KCNQ1OT1: variants seen among roughly 807,000 people sequenced by gnomAD.
KCNQ1OT1 encodes the protein KCNQ1 opposite strand/antisense transcript 1, also known as KCNQ1 antisense RNA 2 (non-protein coding).
exon 1 of KCNQ1OT1, chr11:2,619,761 G>GT: frequency 2.5e-6 from 1 of 397,762 alleles, no homozygotes; most frequent in African/African-American, 2.1e-5. Context: ...TTTTGGAAGA[G>GT]TTTAAGAAGT....
Position 2,673,458 on chromosome 11 carries a change from C to T in KCNQ1OT1, n.26537G>A, listed in dbSNP as rs977140406. 32 of 398,510 alleles carry T rather than the reference C, an allele frequency of 8.0e-5. No homozygotes were observed. Among genetic ancestry groups the T allele is most frequent in the Admixed American group, 2.2e-4 (5 of 22,720 alleles). The allele number at this position is 398,510 out of a possible 1,614,324, so 24.7% of individuals were successfully genotyped here. A position where few individuals can be genotyped will look rare whatever the true frequency, so the allele number is the denominator to read the frequency against. On this transcript the variant is annotated non_coding_transcript_exon_variant, in exon 1 of 1. Coordinates refer to ENST00000597346, the Ensembl canonical transcript of KCNQ1OT1. This position sits in a 1 kb window ranked among gnomAD's most constrained non-coding sequence, Gnocchi z 4.5. ...AACTTGGTGTTGGGCCTCCTTGAGC[C>T]GGAACACCTGAAAAGCCATACAGAC...
chr11:2,696,592 C>T (rs1004486236), exon 1 of KCNQ1OT1: 6 of 398,530 alleles, frequency 1.5e-5, no homozygotes, highest in Non-Finnish European at 1.8e-5. Context: ...TTAAATTACT[C>T]AAGCCCTCCA....
chr11:2,662,901 G>A (rs1200005075), exon 1 of KCNQ1OT1: 2 of 398,590 alleles, frequency 5.0e-6, no homozygotes, highest in African/African-American at 4.1e-5. Flanking sequence ...TGGACTCTCT[G>A]GGGGTCAGGA....
chr11:2,683,900 C>G lies in KCNQ1OT1; in HGVS notation n.16095G>C. On this transcript the variant is annotated non_coding_transcript_exon_variant, in exon 1 of 1. Transcript: ENST00000597346. This position sits in a 1 kb window ranked among gnomAD's most constrained non-coding sequence, Gnocchi z 4.7. Reference sequence around the variant, plus strand: ...TCCAAATCATAAATGCAAAAGATGGCCAAAGGTGCATGCTCTGTGACACGT... The same window carrying G: ...TCCAAATCATAAATGCAAAAGATGGGCAAAGGTGCATGCTCTGTGACACGT... The G allele has an allele frequency of 2.5e-6, 1 of 398,534 alleles. No individual in the cohort carries two copies. Among genetic ancestry groups the G allele is most frequent in the Non-Finnish European group, 4.4e-6 (1 of 226,058 alleles). 24.7% of individuals were successfully genotyped at this position (398,534 alleles called of 1,614,324 possible).
In KCNQ1OT1 at chr11:2,651,275, G is replaced by T. The variant is rs778100237; in HGVS notation, n.48720C>A. 1.3e-5 allele frequency: 5 copies of T among 398,634 alleles called. No individual in the cohort carries two copies. The highest frequency in any genetic ancestry group is 1.8e-5 in the Non-Finnish European group (4 of 226,076). The allele number at this position is 398,634 out of a possible 1,614,324, so 24.7% of individuals were successfully genotyped here. On this transcript the variant is annotated non_coding_transcript_exon_variant, in exon 1 of 1. Transcript: ENST00000597346. This position sits in a 1 kb window ranked among gnomAD's most constrained non-coding sequence, Gnocchi z 6.1. Reference sequence around the variant, plus strand: ...TTAAGCTGTGCTGGTCACTTATTGAGAAAGAGCTTCATGGTGGGCAGCTGG... The same window carrying T: ...TTAAGCTGTGCTGGTCACTTATTGATAAAGAGCTTCATGGTGGGCAGCTGG...
chr11:2,665,951 C>T, exon 1 of KCNQ1OT1: 1 of 398,616 alleles, frequency 2.5e-6, no homozygotes, highest in Non-Finnish European at 4.4e-6. Flanking sequence ...GTGAAATCCT[C>T]CCTCACACTG....
chr11:2,614,282 C>T (rs2133794645), exon 1 of KCNQ1OT1: 1 of 398,598 alleles, frequency 2.5e-6, no homozygotes. Context: ...TCCATGTTGA[C>T]ATTTAATATA....
At chr11:2,609,229 T>A (rs1848934546) in exon 1 of KCNQ1OT1, 4 of 398,174 alleles carry the variant, frequency 1.0e-5, no homozygotes, top group African/African-American at 2.1e-5. Context: ...GTATCTTCAT[T>A]TTCATTAATC....
chr11:2,641,833 G>T (rs771511023), exon 1 of KCNQ1OT1: 7 of 398,140 alleles, frequency 1.8e-5, no homozygotes, highest in Admixed American at 4.4e-5. Flanking sequence ...AGATAGAAAC[G>T]GTTTCATTTT....
At chr11:2,662,328 T>C in exon 1 of KCNQ1OT1, 3 of 577,460 alleles carry the variant, frequency 5.2e-6, no homozygotes, top group Non-Finnish European at 9.2e-6. Context: ...CTGATCATTT[T>C]CCACTTGTTT....
At chr11:2,665,449 C>A in exon 1 of KCNQ1OT1, 1 of 397,408 alleles carries the variant, frequency 2.5e-6, no homozygotes. Context: ...CACCAAGGGT[C>A]ACTGGCACGA....
Position 2,623,437 on chromosome 11 carries a change from C to T in KCNQ1OT1, n.76558G>A. Reference sequence around the variant, plus strand: ...CACTGCCTATTCAACCCTTCTTCCCCAACAACCCTTGGCAACCACTGAACT... The same window carrying T: ...CACTGCCTATTCAACCCTTCTTCCCTAACAACCCTTGGCAACCACTGAACT... On this transcript the variant is annotated non_coding_transcript_exon_variant, in exon 1 of 1. Transcript: ENST00000597346. The surrounding 1 kb of genome is among the most constrained non-coding windows in gnomAD (Gnocchi z 5.2). 1 of 398,648 alleles carries T rather than the reference C, an allele frequency of 2.5e-6. No individual in the cohort carries two copies. The highest frequency in any genetic ancestry group is 4.4e-6 in the Non-Finnish European group (1 of 226,072). The allele number at this position is 398,648 out of a possible 1,614,324, so 24.7% of individuals were successfully genotyped here.
At chr11:2,660,796 T>A in exon 1 of KCNQ1OT1, 1 of 398,632 alleles carries the variant, frequency 2.5e-6, no homozygotes, top group Non-Finnish European at 4.4e-6. Context: ...GAAAGCAATC[T>A]AGCAACATTT....
At position 2,673,426 on chromosome 11, in the gene KCNQ1OT1, A is replaced by T; in HGVS notation, n.26569T>A. On this transcript the variant is annotated non_coding_transcript_exon_variant, in exon 1 of 1. Coordinates refer to ENST00000597346, the Ensembl canonical transcript of KCNQ1OT1. This position sits in a 1 kb window ranked among gnomAD's most constrained non-coding sequence, Gnocchi z 4.5. Reference sequence around the variant, plus strand: ...CCTTCTGCCTAGGCACCAGGCCTGGAGGTTCCAACTTGGTGTTGGGCCTCC... The same window carrying T: ...CCTTCTGCCTAGGCACCAGGCCTGGTGGTTCCAACTTGGTGTTGGGCCTCC... 1 of 398,660 alleles carries T rather than the reference A, an allele frequency of 2.5e-6. No individual in the cohort carries two copies. Among genetic ancestry groups the T allele is most frequent in the Non-Finnish European group, 4.4e-6 (1 of 226,060 alleles). The allele number at this position is 398,660 out of a possible 1,614,324, so 24.7% of individuals were successfully genotyped here. A position where few individuals can be genotyped will look rare whatever the true frequency, so the allele number is the denominator to read the frequency against.
At position 2,661,916 on chromosome 11, in the gene KCNQ1OT1, G is replaced by C; in HGVS notation, n.38079C>G. 1 of 1,613,864 alleles carries C rather than the reference G, an allele frequency of 6.2e-7. No homozygotes were observed. The highest frequency in any genetic ancestry group is 1.1e-5 in the South Asian group (1 of 91,080). On this transcript the variant is annotated non_coding_transcript_exon_variant, in exon 1 of 1. Coordinates refer to ENST00000597346, the Ensembl canonical transcript of KCNQ1OT1. The surrounding 1 kb of genome is among the most constrained non-coding windows in gnomAD (Gnocchi z 5.9). ...AGGCCTGGCTCCACAGCACTGGCAGGTTGGGTGGGAGGCCTAACGTGCTGT... is the reference window on the plus strand; with the variant it reads ...AGGCCTGGCTCCACAGCACTGGCAGCTTGGGTGGGAGGCCTAACGTGCTGT...
chr11:2,675,645 C>G, exon 1 of KCNQ1OT1: 1 of 398,480 alleles, frequency 2.5e-6, no homozygotes. Flanking sequence ...GGTGGTTGGG[C>G]TCTCTAGGAG....
chr11:2,664,601 T>G lies in KCNQ1OT1; in HGVS notation n.35394A>C. 1 of 398,706 alleles carries G rather than the reference T, an allele frequency of 2.5e-6. No homozygotes were observed. The highest frequency in any genetic ancestry group is 4.4e-6 in the Non-Finnish European group (1 of 226,146). 24.7% of individuals were successfully genotyped at this position (398,706 alleles called of 1,614,324 possible). A position where few individuals can be genotyped will look rare whatever the true frequency, so the allele number is the denominator to read the frequency against. On this transcript the variant is annotated non_coding_transcript_exon_variant, in exon 1 of 1. Coordinates refer to ENST00000597346, the Ensembl canonical transcript of KCNQ1OT1. The surrounding 1 kb of genome is among the most constrained non-coding windows in gnomAD (Gnocchi z 5.1). ...ATTGGGGCTGCATTCCTCCACCTCC[T>G]GCACAGCCCGCCCAGTGATGCCCAT...
Position 2,651,725 on chromosome 11 carries a change from A to G in KCNQ1OT1, n.48270T>C. On this transcript the variant is annotated non_coding_transcript_exon_variant, in exon 1 of 1. Coordinates refer to ENST00000597346, the Ensembl canonical transcript of KCNQ1OT1. This position sits in a 1 kb window ranked among gnomAD's most constrained non-coding sequence, Gnocchi z 6.1. ...CATTTCCTAAGTAAGCATCATCCTC[A>G]TTTCTATACGTTTTCTCTGATTACT... 2.5e-6 allele frequency: 1 copy of G among 398,290 alleles called. No individual in the cohort carries two copies. The highest frequency in any genetic ancestry group is 4.4e-6 in the Non-Finnish European group (1 of 226,022). The allele number at this position is 398,290 out of a possible 1,614,324, so 24.7% of individuals were successfully genotyped here.
rs1849016326 is a variant in KCNQ1OT1 at position 2,613,647 on chromosome 11, C to G, written n.86348G>C. 3 of 398,422 alleles carry G rather than the reference C, an allele frequency of 7.5e-6. No individual in the cohort carries two copies. Among genetic ancestry groups the G allele is most frequent in the Non-Finnish European group, 1.3e-5 (3 of 226,030 alleles). The allele number at this position is 398,422 out of a possible 1,614,324, so 24.7% of individuals were successfully genotyped here. Reference sequence around the variant, plus strand: ...ATTGCTTTTCAGGGAGTGGTTATATCAAGGTGCTCATTCCACCACCTCAGA... The same window carrying G: ...ATTGCTTTTCAGGGAGTGGTTATATGAAGGTGCTCATTCCACCACCTCAGA... On this transcript the variant is annotated non_coding_transcript_exon_variant, in exon 1 of 1. Transcript: ENST00000597346. The surrounding 1 kb of genome is among the most constrained non-coding windows in gnomAD (Gnocchi z 4.8).
Sources: allele counts gnomAD v4.1 joint callset, GRCh38; gene constraint gnomAD v4.1.1; non-coding constraint Gnocchi (gnomAD v3.1); transcripts MANE v1.5; gene names NCBI Gene and HGNC (gene_info 2026-07-23, HGNC 2026-07-21).